The following NXPE2 variants were observed in gnomAD, a reference collection of about 807,000 sequenced individuals.
NXPE2 encodes neurexophilin and PC-esterase domain family member 2, also known as NXPE family member 2.
In NXPE2, 34 loss-of-function variants were observed where a neutral mutation model predicts 34.4. The observed-to-expected ratio is 0.99, with a 90% CI of 0.75 to 1.31. The LOEUF is 1.31. Ranked by LOEUF, NXPE2 falls within the 40% of genes most tolerant of loss-of-function variation. The pLI is 0.00. For synonymous variants in NXPE2, 235 were observed against 231.3 expected (o/e 1.02, Z -0.15); for missense variants, 649 against 672.5 (o/e 0.97, Z 0.39).
At chr11:114,592,610 G>A in the NXPE2 span, among the ~76,000 whole-genome samples, 1 of 152,004 alleles carries the variant, frequency 6.6e-6, no homozygotes, top group South Asian at 2.1e-4. Flanking sequence ...ACTACTAAAA[G>A]CAATCTACAG....
chr11:114,474,088 G>A, the NXPE2 span, among the ~76,000 whole-genome samples: 75 of 152,258 alleles, frequency 4.9e-4, no homozygotes, highest in African/African-American at 1.3e-3. Flanking sequence ...GTCTGGGAAG[G>A]AACATCAATT....
the NXPE2 span, among the ~76,000 whole-genome samples, chr11:114,600,210 A>G: frequency 6.6e-6 from 1 of 152,192 alleles, no homozygotes; most frequent in African/African-American, 2.4e-5. Flanking sequence ...CAGAAAATCA[A>G]TGAACATCTG....
At chr11:114,632,905 C>A in the NXPE2 span, among the ~76,000 whole-genome samples, 2 of 41,290 alleles carry the variant, frequency 4.8e-5, no homozygotes, top group Admixed American at 4.5e-4. Context: ...TTATGTAATA[C>A]AATATTATAT....
the NXPE2 span, among the ~76,000 whole-genome samples, chr11:114,737,142 C>T: frequency 3.3e-5 from 5 of 152,182 alleles, no homozygotes; most frequent in Admixed American, 6.5e-5. Flanking sequence ...AGTCCAATTT[C>T]GATCTTTGCT....
the NXPE2 span, among the ~76,000 whole-genome samples, chr11:114,672,303 ATTGC>A: frequency 6.6e-6 from 1 of 152,010 alleles, no homozygotes; most frequent in Non-Finnish European, 1.5e-5. Flanking sequence ...GTGCAAGTTA[ATTGC>A]TAGAACAATC....
At chr11:114,644,654 T>A in the NXPE2 span, among the ~76,000 whole-genome samples, 1 of 152,170 alleles carries the variant, frequency 6.6e-6, no homozygotes, top group Non-Finnish European at 1.5e-5. Context: ...TATTATGTCA[T>A]GTTTATGAAC....
chr11:114,615,855 G>T, the NXPE2 span, among the ~76,000 whole-genome samples: 1 of 151,338 alleles, frequency 6.6e-6, no homozygotes, highest in Non-Finnish European at 1.5e-5. Context: ...GAGATGCCTC[G>T]TGTGTAAGCA....
At chr11:114,702,123 G>A (rs143465891) in intron 3 of NXPE2, among the ~76,000 whole-genome samples, 177 of 152,180 alleles carry the variant, frequency 1.2e-3, no homozygotes, top group African/African-American at 4.0e-3. Context: ...GTGGATAATC[G>A]TGATAAAAAC....
chr11:114,555,388 G>A, the NXPE2 span, among the ~76,000 whole-genome samples: 3 of 151,954 alleles, frequency 2.0e-5, no homozygotes, highest in African/African-American at 7.2e-5. Flanking sequence ...CACCATGCCC[G>A]GCTAATTTTT....
the NXPE2 span, among the ~76,000 whole-genome samples, chr11:114,496,920 T>C: frequency 1.3e-5 from 2 of 152,210 alleles, no homozygotes; most frequent in Non-Finnish European, 2.9e-5. Flanking sequence ...CATATAAAAG[T>C]ATAACATACA....
the NXPE2 span, among the ~76,000 whole-genome samples, chr11:114,531,757 C>G: frequency 6.8e-6 from 1 of 146,706 alleles, no homozygotes; most frequent in East Asian, 1.9e-4. Flanking sequence ...TGCTGAATAT[C>G]CCCTGAATTC....
chr11:114,706,013 T>C lies in NXPE2; in HGVS notation c.1144+17T>C. 1.7e-6 allele frequency: 2 copies of C among 1,164,020 alleles called. No individual in the cohort carries two copies. The highest frequency in any genetic ancestry group is 6.3e-5 in the East Asian group (2 of 31,620). The allele number at this position is 1,164,020 out of a possible 1,614,324, so 72.1% of individuals were successfully genotyped here. A position where few individuals can be genotyped will look rare whatever the true frequency, so the allele number is the denominator to read the frequency against. ...CTGTGAAAAGTATGTATTTAATTTA[T>C]ATTTTGAAATTCTATTTGACTTTTG... On this transcript the variant is annotated intron_variant, in intron 5 of 5. Transcript: ENST00000389586.
the NXPE2 span, among the ~76,000 whole-genome samples, chr11:114,637,015 CGTT>C: frequency 1.3e-5 from 2 of 152,084 alleles, no homozygotes; most frequent in Non-Finnish European, 2.9e-5. Flanking sequence ...TCCTGGGTAT[CGTT>C]GTTGACTTTC....
the NXPE2 span, among the ~76,000 whole-genome samples, chr11:114,802,198 A>ACAACAACACT: frequency 6.6e-6 from 1 of 152,154 alleles, no homozygotes; most frequent in South Asian, 2.1e-4. Flanking sequence ...GACCTCAGGG[A>ACAACAACACT]CAACAACACT....
rs144998340 is a variant in NXPE2 at position 114,706,673 on chromosome 11, C to T, written c.1423C>T (p.Arg475Cys). The T allele has an allele frequency of 5.3e-4, 816 of 1,552,012 alleles. 5 individuals are homozygous for T. In the African/African-American group the frequency reaches 7.6e-3, roughly 14 times the overall value. ...RAINIQKAIE[R>C]LFLRSPETKV... The stretch of plus-strand genomic sequence containing the variant: ...CATCAATATTCAAAAGGCCATTGAA[C>T]GTCTATTCTTGCGAAGCCCGGAGAC... Residue 475 changes from arginine (R) to cysteine (C), a missense_variant, in exon 6 of 6, where the codon CGT becomes TGT. By Grantham distance (180) the Arg-to-Cys change is radical. Transcript: ENST00000389586.
At chr11:114,632,692 A>G in the NXPE2 span, among the ~76,000 whole-genome samples, 1 of 77,290 alleles carries the variant, frequency 1.3e-5, no homozygotes, top group African/African-American at 5.2e-5. Flanking sequence ...ATATAAATTT[A>G]TATATTTATA....
chr11:114,638,220 T>G, the NXPE2 span, among the ~76,000 whole-genome samples: 4 of 152,196 alleles, frequency 2.6e-5, no homozygotes, highest in East Asian at 7.7e-4. Flanking sequence ...CATTTCGTCT[T>G]TCATCACTGA....
the NXPE2 span, among the ~76,000 whole-genome samples, chr11:114,790,959 GTT>G: frequency 0.027 from 4,056 of 148,392 alleles, 75 homozygotes; most frequent in Middle Eastern, 0.066. Context: ...AGGATTGGGT[GTT>G]TTTTTTTTTC....
downstream of NXPE2, among the ~76,000 whole-genome samples, chr11:114,709,188 A>G (rs868159925): frequency 2.0e-5 from 3 of 152,264 alleles, no homozygotes; most frequent in Non-Finnish European, 4.4e-5. Flanking sequence ...CAAGTGTTCA[A>G]TAGCCACATG....
Sources: gnomAD v4.1 joint callset for allele counts (sites outside exome capture counted in the v4.1 genomes callset) on GRCh38, gnomAD v4.1.1 for gene constraint, MANE v1.5 for transcripts, NCBI Gene and HGNC (gene_info 2026-07-23, HGNC 2026-07-21) for gene names.